The following MMS22L variants were observed in gnomAD, a reference collection of about 807,000 sequenced individuals.
MMS22L encodes the protein protein MMS22-like.
Under a neutral mutation model 159.1 loss-of-function variants are expected in MMS22L, and 74 were observed. The ratio of observed to expected loss-of-function variants is 0.47; its 90% CI spans 0.39 to 0.56. MMS22L has a LOEUF of 0.56. MMS22L is among the 20% of genes least tolerant of loss of function. The probability of loss-of-function intolerance (pLI) is 0.00; values close to 1 mark genes in which losing one functional copy is unlikely to be tolerated. For missense variants in MMS22L, 1,351 were observed against 1,422.1 expected, an observed-to-expected ratio of 0.95 and a Z score of 0.80; for synonymous variants, 517 against 506.9, an observed-to-expected ratio of 1.02 and a Z score of -0.27.
intron 24 of MMS22L, among the ~76,000 whole-genome samples, chr6:97,147,383 T>C (rs879885814): frequency 6.6e-6 from 1 of 152,322 alleles, no homozygotes; most frequent in Middle Eastern, 3.4e-3. Flanking sequence ...CTACATTCTC[T>C]AGTACTTCCC....
At chr6:97,167,047 C>T (rs1204399583) in intron 20 of MMS22L, among the ~76,000 whole-genome samples, 1 of 152,124 alleles carries the variant, frequency 6.6e-6, no homozygotes, top group African/African-American at 2.4e-5. Context: ...TCCTCCTCAG[C>T]TTCCCTTGTT....
intron 13 of MMS22L, chr6:97,230,262 ATT>A (rs754272802): frequency 1.6e-4 from 17 of 104,612 alleles, no homozygotes; most frequent in East Asian, 2.7e-4. Context: ...ACGCTTGGCT[ATT>A]TTTTTTTTTT....
chr6:97,199,017 A>G (rs558288503), intron 14 of MMS22L, among the ~76,000 whole-genome samples: 89 of 152,286 alleles, frequency 5.8e-4, no homozygotes, highest in African/African-American at 2.1e-3. Context: ...TAATAAAACT[A>G]TCCTCTAAAA....
intron 6 of MMS22L, 100 bp downstream of exon 6, chr6:97,272,604 C>G (rs1562528581): frequency 1.9e-6 from 2 of 1,078,198 alleles, no homozygotes; most frequent in Non-Finnish European, 1.3e-6. Context: ...CAGTCAGGTT[C>G]CAGAGCTGTA....
rs527438055 is a variant in MMS22L, at chr6:97,251,611, C to A, written c.1119+2946G>T. 2.0e-5 allele frequency among the ~76,000 whole-genome samples: 3 copies of A among 152,272 alleles called. No homozygotes were observed. In the South Asian group the frequency reaches 6.2e-4, roughly 32 times the overall value. On this transcript the variant is annotated intron_variant, in intron 10 of 24. Coordinates refer to ENST00000683635, the MANE Select transcript of MMS22L (RefSeq NM_001350599.2). ...TTTCTATTAATTATCACAGCCTTTT[C>A]TTTTAAAACCTTCTACATAAAATAT...
At chr6:97,161,465 C>T (rs1219988616) in intron 22 of MMS22L, among the ~76,000 whole-genome samples, 1 of 151,984 alleles carries the variant, frequency 6.6e-6, no homozygotes, top group East Asian at 1.9e-4. Flanking sequence ...AGCTCTATCC[C>T]AAAGTGCTGG....
intron 11 of MMS22L, among the ~76,000 whole-genome samples, chr6:97,240,937 G>A (rs1811993237): frequency 6.6e-6 from 1 of 152,036 alleles, no homozygotes; most frequent in African/African-American, 2.4e-5. Context: ...TGTACCCTAA[G>A]TATAGTCTTT....
Position 97,229,423 on chromosome 6 carries a change from G to T in MMS22L, c.1530-20C>A. The stretch of plus-strand genomic sequence containing the variant: ...TATATTCTGTAAAACATTAAAAAAT[G>T]CTTTAATAAAATTGTTTCATTCACA... On this transcript the variant is annotated intron_variant, in intron 13 of 24. Coordinates refer to ENST00000683635, the MANE Select transcript of MMS22L (RefSeq NM_001350599.2). The T allele has an allele frequency of 6.9e-7, 1 of 1,458,846 alleles. No individual in the cohort carries two copies. The highest frequency in any genetic ancestry group is 9.1e-7 in the Non-Finnish European group (1 of 1,095,864). 90.4% of individuals were successfully genotyped at this position (1,458,846 alleles called of 1,614,324 possible).
At chr6:97,273,139 A>G in intron 4 of MMS22L, 77 bp from the exon 5 acceptor site, 3 of 1,110,116 alleles carry the variant, frequency 2.7e-6, no homozygotes, top group Non-Finnish European at 3.9e-6. Context: ...TGTAAGCCAT[A>G]CCGGCAGCAA....
At position 97,143,793 on chromosome 6, in the gene MMS22L, G is replaced by C. The variant is rs1800749760; in HGVS notation, c.*3013C>G. ...GATTTCAGGAGACTCCAACTACAGA[G>C]GTTTAGAGATGAATTAGCACTAGGT... is the stretch of plus-strand genomic sequence containing the variant. On this transcript the variant is annotated 3_prime_UTR_variant, in exon 25 of 25. Coordinates refer to ENST00000683635, the MANE Select transcript of MMS22L (RefSeq NM_001350599.2). 1 of 152,140 alleles carries C rather than the reference G, an allele frequency of 6.6e-6. No homozygotes were observed. Among genetic ancestry groups the C allele is most frequent in the Admixed American group, 6.6e-5 (1 of 15,266 alleles). The allele number at this position is 152,140 out of a possible 1,614,324, so 9.4% of individuals were successfully genotyped here.
Position 97,272,935 on chromosome 6 carries a change from A to C in MMS22L, c.428+40T>G, listed in dbSNP as rs372658956. ...CTAGAGTCTGTGTGAATACACACAG[A>C]AATTCATGCAGTGATCAAAATACTC... On this transcript the variant is annotated intron_variant, in intron 5 of 24. Coordinates refer to ENST00000683635, the MANE Select transcript of MMS22L (RefSeq NM_001350599.2). The C allele has an allele frequency of 2.4e-5, 39 of 1,606,192 alleles. No homozygotes were observed. In the African/African-American group the frequency reaches 4.4e-4, roughly 18 times the overall value.
intron 11 of MMS22L, among the ~76,000 whole-genome samples, chr6:97,243,071 G>C (rs967531504): frequency 2.0e-5 from 3 of 151,986 alleles, no homozygotes; most frequent in Non-Finnish European, 4.4e-5. Context: ...TATCTTTTTT[G>C]TGATGTTTCC....
At chr6:97,188,019 C>T (rs1352410577) in intron 14 of MMS22L, among the ~76,000 whole-genome samples, 21 of 152,128 alleles carry the variant, frequency 1.4e-4, no homozygotes, top group Admixed American at 1.4e-3. Flanking sequence ...TAAAAGCTAA[C>T]CAAATATCTG....
intron 15 of MMS22L, among the ~76,000 whole-genome samples, chr6:97,182,896 T>C (rs1159389096): frequency 1.3e-5 from 2 of 152,140 alleles, no homozygotes; most frequent in Non-Finnish European, 2.9e-5. Flanking sequence ...CACCTCCTCC[T>C]CTCATTCTTT....
intron 18 of MMS22L, among the ~76,000 whole-genome samples, chr6:97,175,993 C>T (rs1562420065): frequency 2.0e-5 from 3 of 152,158 alleles, no homozygotes; most frequent in Non-Finnish European, 4.4e-5. Flanking sequence ...AACCACATTG[C>T]TTTGGTATGC....
At chr6:97,214,684 T>TG (rs1491370115) in intron 14 of MMS22L, among the ~76,000 whole-genome samples, 1 of 91,704 alleles carries the variant, frequency 1.1e-5, no homozygotes, top group Non-Finnish European at 2.5e-5. Context: ...CTATTTTTTT[T>TG]GTTTTTTTTT....
intron 14 of MMS22L, among the ~76,000 whole-genome samples, chr6:97,222,144 T>C (rs921141787): frequency 1.3e-5 from 2 of 151,948 alleles, no homozygotes; most frequent in African/African-American, 2.4e-5. Context: ...CCAAAAATCT[T>C]TGGGGAGAAT....
chr6:97,174,715 G>C (rs141526748), intron 18 of MMS22L, among the ~76,000 whole-genome samples: 1 of 152,168 alleles, frequency 6.6e-6, no homozygotes, highest in African/African-American at 2.4e-5. Context: ...GTTTAGTCAC[G>C]GAAGTGGGTG....
chr6:97,283,634 C>G (rs749727255), upstream of MMS22L: 1 of 152,190 alleles, frequency 6.6e-6, no homozygotes, highest in African/African-American at 2.4e-5. Flanking sequence ...TTCTCTGTAA[C>G]AGATGGAACA....
Sources: allele counts gnomAD v4.1 joint callset (sites outside exome capture counted in the v4.1 genomes callset), GRCh38; gene constraint gnomAD v4.1.1; transcripts MANE v1.5; gene names NCBI Gene and HGNC (gene_info 2026-07-23, HGNC 2026-07-21).